The following HCN1 variants were observed in gnomAD, a reference collection of about 807,000 sequenced individuals.
The protein encoded by HCN1 is hyperpolarization activated cyclic nucleotide gated potassium channel 1.
HCN1 carries 13 observed loss-of-function variants against 78.9 expected under a neutral mutation model. The ratio of observed to expected loss-of-function variants is 0.16; its 90% CI spans 0.11 to 0.26. The LOEUF (loss-of-function observed/expected upper bound fraction) is 0.26, where lower values mean the gene tolerates loss of function less well. Among genes scored for constraint, HCN1 ranks in the 10% least tolerant of loss-of-function variants. The probability of loss-of-function intolerance (pLI) is 1.00; values close to 1 mark genes in which losing one functional copy is unlikely to be tolerated. For missense variants in HCN1, 810 were observed against 1,154.3 expected (o/e 0.70, Z 4.32); for synonymous variants, 552 against 455.5 (o/e 1.21, Z -2.70).
chr5:45,446,148 TA>T (rs1489453219), intron 3 of HCN1, among the ~76,000 whole-genome samples: 4 of 151,668 alleles, frequency 2.6e-5, no homozygotes, highest in African/African-American at 9.7e-5. Context: ...GAAAAAAATT[TA>T]GACGAATGTA....
Position 45,696,365 on chromosome 5 carries a change from A to AGGCTCAGCTC in HCN1, c.-282_-273dup, listed in dbSNP as rs1380050486. ...AAGCTGAGGCTGCCGGAGCTAGGCG[A>AGGCTCAGCTC]GGCTCAGCTCGGCTCAGCCCTCGCG... On this transcript the variant is annotated 5_prime_UTR_variant, in exon 1 of 8. Coordinates refer to ENST00000303230, the MANE Select transcript of HCN1 (RefSeq NM_021072.4). 5.8e-5 allele frequency: 9 copies of AGGCTCAGCTC among 154,416 alleles called. No individual in the cohort carries two copies. Among genetic ancestry groups the AGGCTCAGCTC allele is most frequent in the Admixed American group, 4.5e-4 (7 of 15,410 alleles). The allele number at this position is 154,416 out of a possible 1,614,324, so 9.6% of individuals were successfully genotyped here. A position where few individuals can be genotyped will look rare whatever the true frequency, so the allele number is the denominator to read the frequency against.
chr5:45,282,088 A>G (rs1745181097), intron 6 of HCN1, among the ~76,000 whole-genome samples: 2 of 152,200 alleles, frequency 1.3e-5, no homozygotes, highest in South Asian at 4.1e-4. Context: ...GGACTATCAA[A>G]TATCATTAAT....
At chr5:45,540,995 C>T (rs1019896770) in intron 2 of HCN1, among the ~76,000 whole-genome samples, 9 of 151,918 alleles carry the variant, frequency 5.9e-5, no homozygotes, top group African/African-American at 2.2e-4. Flanking sequence ...CCAAAGGGAC[C>T]GACTTATCCT....
intron 4 of HCN1, among the ~76,000 whole-genome samples, chr5:45,363,716 A>G (rs1444573784): frequency 2.0e-5 from 3 of 151,970 alleles, no homozygotes; most frequent in Non-Finnish European, 4.4e-5. Flanking sequence ...TTCTTGTGAT[A>G]GTGAATAAGT....
intron 2 of HCN1, among the ~76,000 whole-genome samples, chr5:45,502,548 T>C (rs1473538215): frequency 2.0e-5 from 3 of 152,160 alleles, no homozygotes; most frequent in Admixed American, 6.5e-5. Context: ...ATTTAATATT[T>C]CTGGCCTTCA....
intron 6 of HCN1, among the ~76,000 whole-genome samples, chr5:45,296,398 GATA>G (rs1745494792): frequency 6.6e-6 from 1 of 151,544 alleles, no homozygotes; most frequent in Non-Finnish European, 1.5e-5. Flanking sequence ...AAAAGTCTCA[GATA>G]ATATTAAAAA....
rs917276685 is a variant in HCN1 at position 45,458,557 on chromosome 5, G to A, written c.1011+3289C>T. Among the ~76,000 whole-genome samples the A allele has an allele frequency of 2.6e-5, 4 of 152,140 alleles. No homozygotes were observed. The East Asian group carries it at 7.7e-4, about 29-fold the overall frequency. ...AGAGCTCAAACGTTAATTTTAATGG[G>A]ATTTTCTACTGCAGTTGGAGTGCTT... is the stretch of plus-strand genomic sequence containing the variant. On this transcript the variant is annotated intron_variant, in intron 3 of 7. Coordinates refer to ENST00000303230, the MANE Select transcript of HCN1 (RefSeq NM_021072.4).
chr5:45,295,697 G>C (rs921226796), intron 6 of HCN1, among the ~76,000 whole-genome samples: 1 of 151,918 alleles, frequency 6.6e-6, no homozygotes, highest in Non-Finnish European at 1.5e-5. Context: ...TTTAATGTTT[G>C]GTGAACTGAT....
intron 6 of HCN1, among the ~76,000 whole-genome samples, chr5:45,272,153 G>A (rs1162021202): frequency 6.6e-6 from 1 of 152,000 alleles, no homozygotes; most frequent in Admixed American, 6.6e-5. Flanking sequence ...ATTTTCTCTT[G>A]ATACAATATT....
chr5:45,556,003 A>C (rs1561199751), intron 2 of HCN1, among the ~76,000 whole-genome samples: 2 of 152,106 alleles, frequency 1.3e-5, no homozygotes, highest in East Asian at 3.9e-4. Context: ...TTGGATATCC[A>C]TATGCCAAAG....
intron 2 of HCN1, among the ~76,000 whole-genome samples, chr5:45,494,461 T>C (rs1292676306): frequency 6.6e-6 from 1 of 151,890 alleles, no homozygotes; most frequent in African/African-American, 2.4e-5. Context: ...GTTTTTTTCT[T>C]GTAAATTTGT....
chr5:45,372,237 A>G (rs1176686541), intron 4 of HCN1, among the ~76,000 whole-genome samples: 1 of 72,674 alleles, frequency 1.4e-5, no homozygotes, highest in South Asian at 4.4e-4. Flanking sequence ...AATATATATT[A>G]TATTTTATAT....
intron 2 of HCN1, among the ~76,000 whole-genome samples, chr5:45,518,706 T>C (rs1370874769): frequency 6.6e-6 from 1 of 152,054 alleles, no homozygotes; most frequent in Non-Finnish European, 1.5e-5. Flanking sequence ...GGGGGTCATT[T>C]TTCATCAGAA....
intron 6 of HCN1, among the ~76,000 whole-genome samples, chr5:45,279,367 G>T (rs1379215626): frequency 6.6e-6 from 1 of 152,098 alleles, no homozygotes; most frequent in East Asian, 1.9e-4. Context: ...GATACATCCT[G>T]TTGAAACCGT....
At chr5:45,350,326 T>C (rs201472146) in intron 5 of HCN1, among the ~76,000 whole-genome samples, 10,330 of 152,004 alleles carry the variant, frequency 0.068, 475 homozygotes, top group East Asian at 0.13. Context: ...ATTCAACAAC[T>C]CTTCATGCTA....
intron 4 of HCN1, among the ~76,000 whole-genome samples, chr5:45,375,224 ATTT>A (rs1264095658): frequency 8.3e-6 from 1 of 120,150 alleles, no homozygotes; most frequent in Non-Finnish European, 1.6e-5. Context: ...ATAATATAAT[ATTT>A]TATAATATAT....
intron 3 of HCN1, among the ~76,000 whole-genome samples, chr5:45,423,303 T>C (rs763020232): frequency 6.6e-6 from 1 of 152,194 alleles, no homozygotes; most frequent in Non-Finnish European, 1.5e-5. Context: ...GATTACTGCA[T>C]GTGGCTTAAG....
Position 45,378,000 on chromosome 5 carries a change from C to G in HCN1, c.1230+18492G>C, listed in dbSNP as rs1747724699. On this transcript the variant is annotated intron_variant, in intron 4 of 7. Coordinates refer to ENST00000303230, the MANE Select transcript of HCN1 (RefSeq NM_021072.4). The stretch of plus-strand genomic sequence containing the variant: ...AATGAATTATGTGTATAAAGATGAC[C>G]CAAAAGACATTTAAAGTGCCTTTTG... 2.6e-5 allele frequency among the ~76,000 whole-genome samples: 4 copies of G among 151,552 alleles called. No individual in the cohort carries two copies. In the South Asian group the frequency reaches 8.4e-4, roughly 32 times the overall value.
chr5:45,651,588 A>AT (rs1745676984), intron 1 of HCN1, among the ~76,000 whole-genome samples: 1 of 152,012 alleles, frequency 6.6e-6, no homozygotes, highest in African/African-American at 2.4e-5. Flanking sequence ...TTTAAAACTG[A>AT]TTCAATTTTT....
Sources: gnomAD v4.1 joint callset for allele counts (sites outside exome capture counted in the v4.1 genomes callset) on GRCh38, gnomAD v4.1.1 for gene constraint, MANE v1.5 for transcripts, NCBI Gene and HGNC (gene_info 2026-07-23, HGNC 2026-07-21) for gene names.